Variants in PKN2 observed in about 807,000 individuals in gnomAD.
PKN2 encodes serine/threonine-protein kinase N2.
In PKN2, 38 loss-of-function variants were observed where a neutral mutation model predicts 119.1. The ratio of observed to expected loss-of-function variants is 0.32; its 90% confidence interval spans 0.25 to 0.42. The LOEUF is 0.42. Among genes scored for constraint, PKN2 ranks in the 10% least tolerant of loss-of-function variants. The pLI, the probability that PKN2 is intolerant of heterozygous loss-of-function variation, is 1.00. For synonymous variants in PKN2, 390 were observed against 384.9 expected (o/e 1.01, Z -0.15); for missense variants, 850 against 1,165.1 (o/e 0.73, Z 3.94).
At chr1:88,775,121 C>T (rs529473101) in intron 6 of PKN2, among the ~76,000 whole-genome samples, 15 of 152,190 alleles carry the variant, frequency 9.9e-5, no homozygotes, top group Non-Finnish European at 2.1e-4. Context: ...CACACCACCA[C>T]GCTCAGCTTA....
intron 8 of PKN2, among the ~76,000 whole-genome samples, chr1:88,802,569 A>C (rs1251496730): frequency 6.6e-6 from 1 of 152,066 alleles, no homozygotes; most frequent in East Asian, 1.9e-4. Flanking sequence ...CAAGTGATTC[A>C]CCCACGTCAA....
intron 2 of PKN2, among the ~76,000 whole-genome samples, chr1:88,757,769 G>C (rs938856887): frequency 1.3e-5 from 2 of 152,068 alleles, no homozygotes; most frequent in East Asian, 3.8e-4. Context: ...CAGGCTGGGC[G>C]TGGTGGCTCA....
At chr1:88,692,140 A>C (rs1302712692) in intron 1 of PKN2, among the ~76,000 whole-genome samples, 1 of 152,140 alleles carries the variant, frequency 6.6e-6, no homozygotes. Context: ...CCTGTTATAA[A>C]TAAGATTTAT....
At chr1:88,816,386 A>G (rs1295681485) in intron 16 of PKN2, among the ~76,000 whole-genome samples, 2 of 151,806 alleles carry the variant, frequency 1.3e-5, no homozygotes, top group Non-Finnish European at 2.9e-5. Context: ...AGCTGGGACT[A>G]CAGGCGCGTG....
chr1:88,717,439 A>T (rs1667500112), intron 1 of PKN2, among the ~76,000 whole-genome samples: 1 of 151,972 alleles, frequency 6.6e-6, no homozygotes, highest in Admixed American at 6.6e-5. Context: ...CACCAATCAG[A>T]CGTAGATTTG....
chr1:88,768,611 T>A (rs1038073897), intron 3 of PKN2, among the ~76,000 whole-genome samples: 4 of 152,218 alleles, frequency 2.6e-5, no homozygotes, highest in African/African-American at 9.6e-5. Flanking sequence ...ACCTTAAATC[T>A]CCCTTGCCAT....
Position 88,740,995 on chromosome 1 carries a change from C to G in PKN2, c.56C>G (p.Ser19Cys). The G allele has an allele frequency of 1.3e-6, 2 of 1,561,150 alleles. No individual in the cohort carries two copies. The highest frequency in any genetic ancestry group is 1.7e-6 in the Non-Finnish European group (2 of 1,159,954). Reference sequence around the variant, plus strand: ...TGTTTATTTTTTCTGTAGGGGGATTCCCGAAGTCTTCCGTTTTCTGAGAAT... The same window carrying G: ...TGTTTATTTTTTCTGTAGGGGGATTGCCGAAGTCTTCCGTTTTCTGAGAAT... ...EILLTELQGD[S>C]RSLPFSENVS... Residue 19 changes from serine to cysteine, a missense_variant, in exon 2 of 22, where the codon TCC (serine) becomes TGC (cysteine). Ser to Cys is a moderately radical substitution (Grantham distance 112, BLOSUM62 -1). This residue lies in a region of PKN2 where 73 missense variants were observed against 61.2 expected (regional missense o/e 1.19). Transcript: ENST00000370521.
At chr1:88,798,171 C>T (rs1420853004) in intron 8 of PKN2, among the ~76,000 whole-genome samples, 1 of 151,464 alleles carries the variant, frequency 6.6e-6, no homozygotes, top group African/African-American at 2.4e-5. Context: ...ATTCTACCAA[C>T]ATGAGCTTGC....
At chr1:88,817,848 A>T (rs1672069263) in intron 16 of PKN2, among the ~76,000 whole-genome samples, 1 of 152,236 alleles carries the variant, frequency 6.6e-6, no homozygotes. Flanking sequence ...CCAATATTCA[A>T]CATAGTATTG....
At chr1:88,773,237 T>TA (rs386633270) in intron 6 of PKN2, among the ~76,000 whole-genome samples, 4 of 151,890 alleles carry the variant, frequency 2.6e-5, no homozygotes, top group African/African-American at 9.7e-5. Flanking sequence ...TTTTTTTTTT[T>TA]AATTCATTTT....
Position 88,804,379 on chromosome 1 carries a change from T to A in PKN2, c.1282-12T>A, listed in dbSNP as rs778856662. On this transcript the variant is annotated splice_polypyrimidine_tract_variant and intron_variant, in intron 8 of 21. Coordinates refer to ENST00000370521, the MANE Select transcript of PKN2 (RefSeq NM_006256.4). The stretch of plus-strand genomic sequence containing the variant: ...TTTCTGTTTTCTTTATTATTTTTTT[T>A]AATTATCCTAGTCACGTGAACTGGA... 4.4e-5 allele frequency: 70 copies of A among 1,581,526 alleles called. 1 individual carries two copies. The Admixed American group carries it at 9.8e-4, about 22-fold the overall frequency.
chr1:88,752,366 A>G (rs1392973699), intron 2 of PKN2, among the ~76,000 whole-genome samples: 1 of 152,100 alleles, frequency 6.6e-6, no homozygotes, highest in Non-Finnish European at 1.5e-5. Context: ...CATATTTAAC[A>G]TACTTATTTC....
intron 3 of PKN2, among the ~76,000 whole-genome samples, chr1:88,769,492 A>G (rs1669799226): frequency 6.6e-6 from 1 of 152,220 alleles, no homozygotes; most frequent in African/African-American, 2.4e-5. Context: ...AAGCAAAAAT[A>G]AGAAAATTAC....
intron 1 of PKN2, among the ~76,000 whole-genome samples, chr1:88,729,140 C>T (rs1028948724): frequency 1.3e-5 from 2 of 152,046 alleles, no homozygotes; most frequent in South Asian, 2.1e-4. Flanking sequence ...GTGATCTGCC[C>T]GCCTCGTCCT....
rs150528175 is a variant in PKN2 at position 88,744,718 on chromosome 1, G to T, written c.349+3430G>T. On this transcript the variant is annotated intron_variant, in intron 2 of 21. Transcript: ENST00000370521. ...TTACAGGCATGAGCCATCCTGCCCG[G>T]CTAGGGACTTGTTCTTAATTCACCT... Among the ~76,000 whole-genome samples, 1,431 of 152,282 alleles carry T rather than the reference G, an allele frequency of 9.4e-3. 30 individuals are homozygous for T. Among genetic ancestry groups the T allele is most frequent in the African/African-American group, 0.033 (1,361 of 41,568 alleles).
At chr1:88,823,089 CA>C (rs1364800994) in intron 17 of PKN2, among the ~76,000 whole-genome samples, 2 of 152,216 alleles carry the variant, frequency 1.3e-5, no homozygotes, top group East Asian at 3.9e-4. Context: ...GGAGTGATGA[CA>C]TCTGCCTGTA....
chr1:88,784,580 T>C (rs1004610483), intron 6 of PKN2, 59 bp from the exon 7 acceptor site: 1 of 1,073,034 alleles, frequency 9.3e-7, no homozygotes, highest in Admixed American at 2.9e-5. Flanking sequence ...GAGATTTAGA[T>C]TAAGGATTCC....
At chr1:88,797,071 C>T (rs1467286434) in intron 8 of PKN2, among the ~76,000 whole-genome samples, 2 of 151,946 alleles carry the variant, frequency 1.3e-5, no homozygotes. Flanking sequence ...CAGTGGCTCA[C>T]GCCTGTAATC....
At chr1:88,732,385 A>G (rs1668174710) in intron 1 of PKN2, among the ~76,000 whole-genome samples, 1 of 152,210 alleles carries the variant, frequency 6.6e-6, no homozygotes, top group African/African-American at 2.4e-5. Context: ...TATTTTTAAC[A>G]TAACTTGAAA....
Sources: allele counts gnomAD v4.1 joint callset (sites outside exome capture counted in the v4.1 genomes callset), GRCh38; gene constraint gnomAD v4.1.1; regional missense constraint gnomAD v4.1.1; transcripts MANE v1.5; gene names NCBI Gene and HGNC (gene_info 2026-07-23, HGNC 2026-07-21).